The following CAMK1D variants were observed in gnomAD, a reference collection of about 807,000 sequenced individuals.
CAMK1D encodes the protein calcium/calmodulin dependent protein kinase ID, also known as calcium/calmodulin-dependent protein kinase type 1D.
In CAMK1D, 9 loss-of-function variants were observed where a neutral mutation model predicts 47.7. The observed-to-expected ratio is 0.19, with a 90% CI of 0.11 to 0.33. The LOEUF is 0.33. Among genes scored for constraint, CAMK1D ranks in the 10% least tolerant of loss-of-function variants. CAMK1D has a pLI of 1.00. For missense variants in CAMK1D, 291 were observed against 488.7 expected (o/e 0.60, Z 3.81); for synonymous variants, 184 against 184.9 (o/e 0.99, Z 0.04).
At chr10:12,529,032 C>T (rs767839287) in intron 1 of CAMK1D, among the ~76,000 whole-genome samples, 15 of 152,046 alleles carry the variant, frequency 9.9e-5, no homozygotes, top group Non-Finnish European at 2.9e-5. Context: ...TTGATAGTGT[C>T]TCACCTTGTT....
At chr10:12,534,715 C>T (rs767018717) in intron 1 of CAMK1D, among the ~76,000 whole-genome samples, 11 of 152,184 alleles carry the variant, frequency 7.2e-5, no homozygotes, top group South Asian at 2.1e-4. Flanking sequence ...ATTTTTCTCT[C>T]GTCAGGGATC....
chr10:12,449,977 G>A (rs147361867), intron 1 of CAMK1D, among the ~76,000 whole-genome samples: 2,402 of 152,148 alleles, frequency 0.016, 69 homozygotes, highest in African/African-American at 0.053. Flanking sequence ...CAGCCTGGGC[G>A]ACAGAGCGAG....
chr10:12,403,249 C>T (rs1012051343), intron 1 of CAMK1D, among the ~76,000 whole-genome samples: 8 of 152,174 alleles, frequency 5.3e-5, no homozygotes. Flanking sequence ...AACAAGTTGG[C>T]ATCCGCTTGC....
At chr10:12,668,489 A>G (rs1840503374) in intron 3 of CAMK1D, among the ~76,000 whole-genome samples, 1 of 152,232 alleles carries the variant, frequency 6.6e-6, no homozygotes, top group Non-Finnish European at 1.5e-5. Flanking sequence ...CAGGGGAACT[A>G]GGGCAAATAA....
At chr10:12,465,158 G>A (rs1297792841) in intron 1 of CAMK1D, among the ~76,000 whole-genome samples, 1 of 152,192 alleles carries the variant, frequency 6.6e-6, no homozygotes, top group Admixed American at 6.5e-5. Flanking sequence ...TAGTGGGGCA[G>A]CATTTCTTTA....
At chr10:12,580,926 T>C (rs1268159065) in intron 2 of CAMK1D, among the ~76,000 whole-genome samples, 1 of 152,122 alleles carries the variant, frequency 6.6e-6, no homozygotes, top group Admixed American at 6.5e-5. Context: ...GGGGAACAGG[T>C]GGTGTTTGGC....
chr10:12,495,554 C>T (rs982184658), intron 1 of CAMK1D, among the ~76,000 whole-genome samples: 3 of 152,160 alleles, frequency 2.0e-5, no homozygotes, highest in Non-Finnish European at 4.4e-5. Flanking sequence ...ACATTTAGCT[C>T]TCTAAGAAAT....
intron 1 of CAMK1D, among the ~76,000 whole-genome samples, chr10:12,401,804 T>C (rs1356025621): frequency 6.6e-6 from 1 of 151,816 alleles, no homozygotes; most frequent in Non-Finnish European, 1.5e-5. Flanking sequence ...GAGAAGACGG[T>C]CTGTTTTGGC....
chr10:12,671,112 A>G (rs1840603428), intron 3 of CAMK1D, among the ~76,000 whole-genome samples: 1 of 152,204 alleles, frequency 6.6e-6, no homozygotes, highest in Admixed American at 6.5e-5. Flanking sequence ...ATTAATCCAT[A>G]TTGTATCATG....
chr10:12,533,330 G>T (rs1835868549), intron 1 of CAMK1D, among the ~76,000 whole-genome samples: 2 of 152,098 alleles, frequency 1.3e-5, no homozygotes. Context: ...TGTTTATCTG[G>T]CTGTGAGATT....
chr10:12,350,610 T>C (rs6602582), intron 1 of CAMK1D, among the ~76,000 whole-genome samples: 150,765 of 152,356 alleles, frequency 0.99, 74,606 homozygotes, highest in Non-Finnish European at 1. Context: ...CTGATGGCTG[T>C]GTCTCAAGAA....
In CAMK1D at chr10:12,829,184, T is replaced by G; in HGVS notation, c.*297T>G. On this transcript the variant is annotated 3_prime_UTR_variant, in exon 11 of 11. Transcript: ENST00000619168. ...ATTCCTCTCCCCTAACACCATCGTT[T>G]CCACTCTTCTCAGTGTAGGTAACCG... 3.8e-6 allele frequency: 1 copy of G among 262,708 alleles called. No homozygotes were observed. The highest frequency in any genetic ancestry group is 7.1e-6 in the Non-Finnish European group (1 of 140,032). The allele number at this position is 262,708 out of a possible 1,614,324, so 16.3% of individuals were successfully genotyped here.
intron 5 of CAMK1D, among the ~76,000 whole-genome samples, chr10:12,779,483 G>A (rs1453869031): frequency 1.3e-5 from 2 of 152,086 alleles, no homozygotes; most frequent in African/African-American, 4.8e-5. Flanking sequence ...AGGCTGGAGT[G>A]CAGTGGCATG....
intron 1 of CAMK1D, among the ~76,000 whole-genome samples, chr10:12,510,656 C>A (rs980358383): frequency 3.3e-5 from 5 of 152,184 alleles, no homozygotes; most frequent in Non-Finnish European, 7.3e-5. Context: ...GACCCCCCTA[C>A]GAATTCAGTG....
intron 8 of CAMK1D, among the ~76,000 whole-genome samples, chr10:12,818,670 C>CAA (rs36034904): frequency 0.057 from 7,739 of 135,400 alleles, 274 homozygotes; most frequent in East Asian, 0.17. Flanking sequence ...GACTCTGTCC[C>CAA]AAAAAAAAAA....
intron 1 of CAMK1D, among the ~76,000 whole-genome samples, chr10:12,460,035 C>CA (rs1470171155): frequency 6.6e-6 from 1 of 152,118 alleles, no homozygotes; most frequent in East Asian, 1.9e-4. Context: ...TATTCACAAG[C>CA]ATTGCTAGAT....
rs558230426 is a variant in CAMK1D at position 12,624,564 on chromosome 10, C to A, written c.225-42172C>A. On this transcript the variant is annotated intron_variant, in intron 2 of 10. Coordinates refer to ENST00000619168, the MANE Select transcript of CAMK1D (RefSeq NM_153498.4). ...TCTTCAAGGTTCATCCATGTTGTCA[C>A]CCTGCAGAATTTCCTTCTCTTGTAA... Among the ~76,000 whole-genome samples, 9 of 152,258 alleles carry A rather than the reference C, an allele frequency of 5.9e-5. No individual in the cohort carries two copies. The South Asian group carries it at 1.9e-3, about 32-fold the overall frequency.
At chr10:12,655,333 A>G (rs1025949982) in intron 2 of CAMK1D, among the ~76,000 whole-genome samples, 1 of 152,166 alleles carries the variant, frequency 6.6e-6, no homozygotes, top group Non-Finnish European at 1.5e-5. Flanking sequence ...ATCCACCCCC[A>G]TGACTTGAAC....
intron 1 of CAMK1D, among the ~76,000 whole-genome samples, chr10:12,497,177 C>T (rs1276735153): frequency 6.6e-6 from 1 of 152,018 alleles, no homozygotes; most frequent in Non-Finnish European, 1.5e-5. Context: ...CTTTCGTTAA[C>T]AGCATTTAAA....
Sources: gnomAD v4.1 joint callset for allele counts (sites outside exome capture counted in the v4.1 genomes callset) on GRCh38, gnomAD v4.1.1 for gene constraint, MANE v1.5 for transcripts, NCBI Gene and HGNC (gene_info 2026-07-23, HGNC 2026-07-21) for gene names.